The following SLC12A9 variants were observed in gnomAD, a reference collection of about 807,000 sequenced individuals.
SLC12A9 encodes the protein solute carrier family 12 member 9.
In SLC12A9, 55 loss-of-function variants were observed where a neutral mutation model predicts 66.0. The ratio of observed to expected loss-of-function variants is 0.83; its 90% CI spans 0.67 to 1.04. The LOEUF is 1.04. Ranked by LOEUF, SLC12A9 falls within the 50% of genes least tolerant of loss-of-function variation. The pLI is 0.00. For synonymous variants in SLC12A9, 577 were observed against 569.0 expected, an observed-to-expected ratio of 1.01 and a Z score of -0.20; for missense variants, 1,061 against 1,241.9, an observed-to-expected ratio of 0.85 and a Z score of 2.19.
Position 100,857,097 on chromosome 7 carries a change from C to T in SLC12A9, c.678C>T (p.Gly226=). The T allele has an allele frequency of 1.2e-6, 2 of 1,614,178 alleles. No individual in the cohort carries two copies. The highest frequency in any genetic ancestry group is 1.7e-6 in the Non-Finnish European group (2 of 1,180,036). Residue 226 remains glycine, a synonymous_variant, in exon 5 of 14, where the codon GGC becomes GGT. Coordinates refer to ENST00000354161, the MANE Select transcript of SLC12A9 (RefSeq NM_020246.4). ...PRDIRLTPRP[G]PNGSSLPPRF... is the part of the protein sequence containing the mutation. ...ACATCCGCTTGACTCCTAGGCCTGG[C>T]CCCAATGGCTCCTCCCTGCCGCCCC... is the stretch of plus-strand genomic sequence containing the variant.
rs1455335705 is a variant in SLC12A9, at chr7:100,839,198, G to A, written n.228+12151G>A. On this transcript the variant is annotated intron_variant and non_coding_transcript_variant, in intron 1 of 1. Coordinates refer to the SLC12A9 transcript ENST00000461016. The stretch of plus-strand genomic sequence containing the variant: ...AAATTAGCTGGGCATGGTGGCGGGC[G>A]CCTGTAGTCCCAGCTACTCAGGAGG... Among the ~76,000 whole-genome samples the A allele has an allele frequency of 2.6e-5, 4 of 152,154 alleles. No individual in the cohort carries two copies. In the East Asian group the frequency reaches 7.7e-4, roughly 29 times the overall value.
rs148013064 is a variant in SLC12A9 at position 100,865,924 on chromosome 7, C to T, written c.2064C>T (p.Ala688=). 114 of 1,613,306 alleles carry T rather than the reference C, an allele frequency of 7.1e-5. No individual in the cohort carries two copies. Among genetic ancestry groups the T allele is most frequent in the East Asian group, 2.5e-4 (11 of 44,884 alleles). Residue 688 remains alanine (A), a synonymous_variant, in exon 14 of 14, where the codon GCC becomes GCT. Transcript: ENST00000354161. ...LNPQDYVATV[A]DALKMNKNVV... ...CCCAGGACTATGTGGCCACGGTGGCCGACGCCCTCAAGATGAACAAGAATG... is the reference window on the plus strand; with the variant it reads ...CCCAGGACTATGTGGCCACGGTGGCTGACGCCCTCAAGATGAACAAGAATG...
chr7:100,830,353 A>G (rs1813520046), intron 1 of SLC12A9, among the ~76,000 whole-genome samples: 1 of 152,110 alleles, frequency 6.6e-6, no homozygotes, highest in South Asian at 2.1e-4. Flanking sequence ...ACTCTGTCTC[A>G]AAACATAAAT....
At chr7:100,828,056 C>T (rs1458006396) in intron 1 of SLC12A9, among the ~76,000 whole-genome samples, 5 of 152,200 alleles carry the variant, frequency 3.3e-5, no homozygotes, top group African/African-American at 9.7e-5. Flanking sequence ...GAATTGACGG[C>T]CGCCCAGGGG....
At chr7:100,846,325 G>C (rs1359688353) in intron 1 of SLC12A9, among the ~76,000 whole-genome samples, 1 of 152,214 alleles carries the variant, frequency 6.6e-6, no homozygotes, top group African/African-American at 2.4e-5. Flanking sequence ...CCAGCACTTT[G>C]GGAGGCCGAG....
intron 2 of SLC12A9, 96 bp from the exon 3 acceptor site, chr7:100,854,524 C>T (rs2116585051): frequency 6.3e-7 from 1 of 1,597,572 alleles, no homozygotes; most frequent in East Asian, 2.2e-5. Context: ...TCTCTGTGGG[C>T]TTGCATTTAG....
chr7:100,830,265 T>C (rs1441212082), intron 1 of SLC12A9, among the ~76,000 whole-genome samples: 11 of 150,390 alleles, frequency 7.3e-5, no homozygotes, highest in Non-Finnish European at 1.2e-4. Flanking sequence ...GACAGGAGAA[T>C]TGCTTGAACC....
chr7:100,860,928 C>T (rs755742151), intron 9 of SLC12A9: 14 of 829,120 alleles, frequency 1.7e-5, no homozygotes, highest in Non-Finnish European at 2.5e-5. Flanking sequence ...CTCATTGACA[C>T]TTTGGGGGTG....
Position 100,861,815 on chromosome 7 carries a change from G to A in SLC12A9, c.1615G>A (p.Gly539Arg), listed in dbSNP as rs773998046. The change falls in exon 12 of 14, where the codon GGG becomes AGG. Residue 539 changes from glycine to arginine, a missense_variant. By Grantham distance (125) the Gly-to-Arg change is moderately radical. Coordinates refer to ENST00000354161, the MANE Select transcript of SLC12A9 (RefSeq NM_020246.4). This position sits in a 1 kb window ranked among gnomAD's most constrained non-coding sequence, Gnocchi z 5.3. ...FWRPQLLLLV[G>R]NPRGALPLLR... is the part of the protein sequence containing the mutation. ...GCGGCCCCAGCTGCTGCTCCTGGTG[G>A]GGAACCCCCGGGGCGCCCTGCCTCT... 3 of 1,614,076 alleles carry A rather than the reference G, an allele frequency of 1.9e-6. No individual in the cohort carries two copies. The highest frequency in any genetic ancestry group is 8.5e-7 in the Non-Finnish European group (1 of 1,180,000).
At chr7:100,834,869 A>G (rs1584676299) in intron 1 of SLC12A9, among the ~76,000 whole-genome samples, 1 of 152,110 alleles carries the variant, frequency 6.6e-6, no homozygotes, top group African/African-American at 2.4e-5. Context: ...CCCTGTCTCA[A>G]AAATAAAAAT....
intron 4 of SLC12A9, 191 bp downstream of exon 4, chr7:100,856,028 AG>A: frequency 1.3e-6 from 1 of 796,326 alleles, no homozygotes; most frequent in African/African-American, 1.8e-5. Flanking sequence ...GCCTGCAGGG[AG>A]CTAACCATCT....
intron 1 of SLC12A9, among the ~76,000 whole-genome samples, chr7:100,830,614 A>G (rs891485116): frequency 2.6e-4 from 39 of 152,022 alleles, no homozygotes; most frequent in African/African-American, 9.2e-4. Flanking sequence ...AGTGTATGCC[A>G]GTCAAAGAAT....
In SLC12A9 at chr7:100,857,170, T is replaced by C; in HGVS notation, c.751T>C (p.Leu251=). 3 of 1,609,506 alleles carry C rather than the reference T, an allele frequency of 1.9e-6. No homozygotes were observed. The highest frequency in any genetic ancestry group is 4.5e-5 in the East Asian group (2 of 44,744). ...CAACAGCAGTACCCTGAAGGACAACTTGGGCGGTGAGCTGGGTGCTGCCGT... is the reference window on the plus strand; with the variant it reads ...CAACAGCAGTACCCTGAAGGACAACCTGGGCGGTGAGCTGGGTGCTGCCGT... The part of the protein sequence containing the change: ...GFNSSTLKDN[L]GAGYAEDYTT... Residue 251 remains leucine, a synonymous_variant, in exon 5 of 14, where the codon TTG becomes CTG. Transcript: ENST00000354161.
At chr7:100,845,669 C>G (rs1813894364) in intron 1 of SLC12A9, among the ~76,000 whole-genome samples, 1 of 152,156 alleles carries the variant, frequency 6.6e-6, no homozygotes, top group South Asian at 2.1e-4. Flanking sequence ...ATTAAACCAT[C>G]TTTCTTCCTA....
At chr7:100,855,881 G>A in intron 4 of SLC12A9, 44 bp downstream of exon 4, 1 of 1,535,632 alleles carries the variant, frequency 6.5e-7, no homozygotes, top group Non-Finnish European at 8.8e-7. Flanking sequence ...GGTTTACAGG[G>A]TCTGGGAGTG....
chr7:100,847,914 C>T (rs901303139), upstream of SLC12A9, among the ~76,000 whole-genome samples: 8 of 150,808 alleles, frequency 5.3e-5, no homozygotes, highest in Non-Finnish European at 1.0e-4. Context: ...GGCGAAACCC[C>T]ATCACTACTA....
intron 1 of SLC12A9, among the ~76,000 whole-genome samples, chr7:100,836,791 C>T (rs1327121431): frequency 6.6e-6 from 1 of 151,584 alleles, no homozygotes; most frequent in Non-Finnish European, 1.5e-5. Flanking sequence ...GGCTCATCTG[C>T]CCCTGGGACC....
rs562524096 is a variant in SLC12A9 at position 100,858,843 on chromosome 7, G to A, written c.766G>A (p.Ala256Thr). ...TLKDNLGAGY[A>T]EDYTTGAVMN... ...TGGGAGGATCCTCCTAGCTGGCTAT[G>A]CTGAGGACTACACCACGGGAGCCGT... The change falls in exon 6 of 14, where the codon GCT becomes ACT. Residue 256 changes from alanine to threonine, a missense_variant. Physicochemically the swap from Ala to Thr is moderately conservative, Grantham distance 58. Transcript: ENST00000354161. The A allele has an allele frequency of 6.2e-7, 1 of 1,614,186 alleles. No individual in the cohort carries two copies. The highest frequency in any genetic ancestry group is 1.1e-5 in the South Asian group (1 of 91,078).
chr7:100,842,100 G>T (rs1301485429), intron 1 of SLC12A9, among the ~76,000 whole-genome samples: 1 of 148,480 alleles, frequency 6.7e-6, no homozygotes, highest in African/African-American at 2.5e-5. Flanking sequence ...TAACCACCAA[G>T]ACTGCTGTTC....
Sources: allele counts gnomAD v4.1 joint callset (sites outside exome capture counted in the v4.1 genomes callset), GRCh38; gene constraint gnomAD v4.1.1; non-coding constraint Gnocchi (gnomAD v3.1); transcripts MANE v1.5; gene names NCBI Gene and HGNC (gene_info 2026-07-23, HGNC 2026-07-21).